Variants in RAB5C observed in about 807,000 individuals in gnomAD.
RAB5C encodes the protein RAB5C, member RAS oncogene family, also known as ras-related protein Rab-5C.
In RAB5C, 4 loss-of-function variants were observed where a neutral mutation model predicts 25.2. The observed-to-expected ratio is 0.16, with a 90% CI of 0.08 to 0.36. The LOEUF (loss-of-function observed/expected upper bound fraction) is 0.36, where lower values mean the gene tolerates loss of function less well. Ranked by LOEUF, RAB5C falls within the 10% of genes least tolerant of loss-of-function variation. The pLI, the probability that RAB5C is intolerant of heterozygous loss-of-function variation, is 1.00. For missense variants in RAB5C, 199 were observed against 283.8 expected, an observed-to-expected ratio of 0.70 and a Z score of 2.15; for synonymous variants, 100 against 106.4, an observed-to-expected ratio of 0.94 and a Z score of 0.37.
chr17:42,148,616 T>C (rs899243895), intron 1 of RAB5C, among the ~76,000 whole-genome samples: 3 of 151,842 alleles, frequency 2.0e-5, no homozygotes, highest in Non-Finnish European at 4.4e-5. Context: ...TAAGGAACAA[T>C]GAGATAGCAG....
intron 1 of RAB5C, among the ~76,000 whole-genome samples, chr17:42,134,438 G>A (rs1322521180): frequency 1.3e-5 from 2 of 152,116 alleles, no homozygotes; most frequent in Non-Finnish European, 2.9e-5. Flanking sequence ...ATTAGCCAAC[G>A]TGGTGGTACA....
Position 42,130,575 on chromosome 17 carries a change from G to A in RAB5C, c.-73C>T, listed in dbSNP as rs760778533. ...TGCTATGCAAAGAGGCACTTAGTGG[G>A]GAGGGGGACCTCCAACTGTAAGGGA... On this transcript the variant is annotated 5_prime_UTR_variant, in exon 2 of 6. Coordinates refer to ENST00000346213, the MANE Select transcript of RAB5C (RefSeq NM_004583.4). The A allele has an allele frequency of 5.7e-6, 9 of 1,587,732 alleles. No homozygotes were observed. The highest frequency in any genetic ancestry group is 1.7e-4 in the Middle Eastern group (1 of 6,002).
At chr17:42,153,902 A>C (rs1415561163) in intron 1 of RAB5C, among the ~76,000 whole-genome samples, 1 of 152,262 alleles carries the variant, frequency 6.6e-6, no homozygotes, top group Non-Finnish European at 1.5e-5. Flanking sequence ...AATAAGTCCA[A>C]GCCCTGAAGG....
intron 1 of RAB5C, among the ~76,000 whole-genome samples, chr17:42,140,384 G>A (rs1171972494): frequency 2.0e-5 from 3 of 150,754 alleles, no homozygotes; most frequent in African/African-American, 4.9e-5. Flanking sequence ...CGTGGTCAGC[G>A]GCTATGCAAC....
intron 1 of RAB5C, among the ~76,000 whole-genome samples, chr17:42,147,022 AAGAAAGAC>A (rs1405574395): frequency 2.0e-5 from 3 of 147,142 alleles, no homozygotes; most frequent in East Asian, 1.9e-4. Context: ...GAAAGACAGA[AAGAAAGAC>A]AGAAAGACAG....
At chr17:42,133,133 C>CG (rs1255047346) in intron 1 of RAB5C, among the ~76,000 whole-genome samples, 1 of 152,168 alleles carries the variant, frequency 6.6e-6, no homozygotes, top group Non-Finnish European at 1.5e-5. Context: ...GGAGGAGCCG[C>CG]CCAGAGCCAG....
chr17:42,137,198 T>G (rs905563202), intron 1 of RAB5C, among the ~76,000 whole-genome samples: 7 of 151,220 alleles, frequency 4.6e-5, no homozygotes, highest in Non-Finnish European at 1.0e-4. Flanking sequence ...CCCAGCTACT[T>G]GGGAGGCTGA....
intron 1 of RAB5C, among the ~76,000 whole-genome samples, chr17:42,144,088 A>G (rs916953673): frequency 2.7e-4 from 41 of 152,150 alleles, no homozygotes; most frequent in African/African-American, 9.9e-4. Context: ...GCCCGGCCTT[A>G]TCGCTGGATT....
Position 42,128,678 on chromosome 17 carries a change from C to T in RAB5C, c.289G>A (p.Ala97Thr). ...APMYYRGAQAAIVVYDITNTD... is the reference protein window; with the variant it reads ...APMYYRGAQATIVVYDITNTD... The stretch of plus-strand genomic sequence containing the variant: ...TTGGTGATGTCATAGACCACGATGG[C>T]AGCCTGGGCCCCCCGATAGTACATG... The change falls in exon 3 of 6, where the codon GCC becomes ACC. Residue 97 changes from alanine to threonine, a missense_variant. This residue lies in a region of RAB5C where 154 missense variants were observed against 199.6 expected (regional missense o/e 0.77). Coordinates refer to ENST00000346213, the MANE Select transcript of RAB5C (RefSeq NM_004583.4). 6.6e-7 allele frequency: 1 copy of T among 1,505,830 alleles called. No individual in the cohort carries two copies. The highest frequency in any genetic ancestry group is 8.9e-7 in the Non-Finnish European group (1 of 1,129,170). 93.3% of individuals were successfully genotyped at this position (1,505,830 alleles called of 1,614,324 possible).
At chr17:42,146,076 G>A (rs1018863430) in intron 1 of RAB5C, among the ~76,000 whole-genome samples, 3 of 152,082 alleles carry the variant, frequency 2.0e-5, no homozygotes, top group Admixed American at 2.0e-4. Flanking sequence ...CAAAGTGCTG[G>A]GATTACAGGC....
intron 1 of RAB5C, among the ~76,000 whole-genome samples, chr17:42,148,242 C>T (rs1359979349): frequency 6.6e-6 from 1 of 151,618 alleles, no homozygotes; most frequent in African/African-American, 2.4e-5. Context: ...TCCGTCTCTA[C>T]TAAAAATACA....
At chr17:42,145,382 G>A (rs902807969) in intron 1 of RAB5C, among the ~76,000 whole-genome samples, 1 of 152,136 alleles carries the variant, frequency 6.6e-6, no homozygotes, top group Admixed American at 6.6e-5. Flanking sequence ...GATCATGGTT[G>A]ACATCAGTCA....
intron 1 of RAB5C, among the ~76,000 whole-genome samples, chr17:42,133,026 T>C (rs1486509319): frequency 4.3e-4 from 66 of 152,160 alleles, no homozygotes; most frequent in Non-Finnish European, 2.6e-4. Flanking sequence ...CTCTCTTTTT[T>C]TGTGGCAGCA....
In RAB5C at chr17:42,125,558, A is replaced by T. The variant is rs1347030064; in HGVS notation, c.*225T>A. The stretch of plus-strand genomic sequence containing the variant: ...GGAAGAGCAGAAGATCATATATATT[A>T]AAAAAGTGACTTAAGACTTAAAATT... On this transcript the variant is annotated 3_prime_UTR_variant, in exon 6 of 6. Coordinates refer to ENST00000346213, the MANE Select transcript of RAB5C (RefSeq NM_004583.4). 1.7e-5 allele frequency: 9 copies of T among 519,754 alleles called. No individual in the cohort carries two copies. The highest frequency in any genetic ancestry group is 1.2e-4 in the African/African-American group (6 of 51,788). 32.2% of individuals were successfully genotyped at this position (519,754 alleles called of 1,614,324 possible). A position where few individuals can be genotyped will look rare whatever the true frequency, so the allele number is the denominator to read the frequency against.
intron 1 of RAB5C, among the ~76,000 whole-genome samples, chr17:42,136,010 CA>C (rs1221872072): frequency 6.6e-6 from 1 of 152,174 alleles, no homozygotes; most frequent in Admixed American, 6.6e-5. Flanking sequence ...TGCTTCTGAC[CA>C]GTGACTCTTC....
intron 5 of RAB5C, among the ~76,000 whole-genome samples, chr17:42,126,357 G>A (rs1413990765): frequency 6.6e-6 from 1 of 152,046 alleles, no homozygotes; most frequent in Non-Finnish European, 1.5e-5. Context: ...AGGGGGCTGG[G>A]CGCAGTGGCT....
chr17:42,154,964 T>C lies in RAB5C; in HGVS notation c.-160A>G. 6.6e-6 allele frequency: 1 copy of C among 152,258 alleles called. No homozygotes were observed. The highest frequency in any genetic ancestry group is 1.5e-5 in the Non-Finnish European group (1 of 68,068). The allele number at this position is 152,258 out of a possible 1,614,324, so 9.4% of individuals were successfully genotyped here. A position where few individuals can be genotyped will look rare whatever the true frequency, so the allele number is the denominator to read the frequency against. On this transcript the variant is annotated 5_prime_UTR_variant, in exon 1 of 6. Coordinates refer to ENST00000346213, the MANE Select transcript of RAB5C (RefSeq NM_004583.4). ...GATCCGCTTCTCTCCCCGCCGGCGG[T>C]GTCCCAGGCTCCGGCCTCCACTTCC...
intron 1 of RAB5C, among the ~76,000 whole-genome samples, chr17:42,148,637 A>G (rs1258162326): frequency 6.6e-6 from 1 of 152,230 alleles, no homozygotes; most frequent in Non-Finnish European, 1.5e-5. Context: ...TTGAGAAGAC[A>G]GCCCATGTAG....
At chr17:42,137,977 G>A (rs1453251205) in intron 1 of RAB5C, 30 of 152,186 alleles carry the variant, frequency 2.0e-4, no homozygotes, top group Admixed American at 2.0e-3. Flanking sequence ...CAAATAAGGT[G>A]CAAGACAATG....
Sources: gnomAD v4.1 joint callset for allele counts (sites outside exome capture counted in the v4.1 genomes callset) on GRCh38, gnomAD v4.1.1 for gene constraint, gnomAD v4.1.1 regional missense constraint, MANE v1.5 for transcripts, NCBI Gene and HGNC (gene_info 2026-07-23, HGNC 2026-07-21) for gene names.